Variants in ZCCHC10 observed in about 807,000 individuals in gnomAD.
The protein encoded by ZCCHC10 is zinc finger CCHC domain-containing protein 10.
A neutral mutation model predicts 19.5 loss-of-function variants in ZCCHC10; 16 were observed. The observed-to-expected ratio is 0.82, with a 90% CI of 0.56 to 1.25. ZCCHC10 has a LOEUF of 1.25. ZCCHC10 is among the 50% of genes most tolerant of loss of function. The pLI is 0.00. For synonymous variants in ZCCHC10, 67 were observed against 72.5 expected (o/e 0.92, Z 0.38); for missense variants, 197 against 201.0 (o/e 0.98, Z 0.12).
At chr5:133,018,366 T>G (rs1203610005) in intron 2 of ZCCHC10, among the ~76,000 whole-genome samples, 1 of 151,878 alleles carries the variant, frequency 6.6e-6, no homozygotes, top group Non-Finnish European at 1.5e-5. Flanking sequence ...CAATCAGGTC[T>G]CAAACTCCTG....
chr5:133,025,035 G>A (rs1764578795), intron 1 of ZCCHC10, among the ~76,000 whole-genome samples: 2 of 151,982 alleles, frequency 1.3e-5, no homozygotes, highest in African/African-American at 4.8e-5. Context: ...ATGGAAAGGA[G>A]AAGAAAAAGG....
chr5:133,025,812 A>T (rs961469896), intron 1 of ZCCHC10, among the ~76,000 whole-genome samples: 5 of 152,136 alleles, frequency 3.3e-5, no homozygotes, highest in Middle Eastern at 3.4e-3. Flanking sequence ...CCATCACAAC[A>T]GCTTACTTCC....
At chr5:133,010,238 G>A (rs1244639910) in intron 2 of ZCCHC10, among the ~76,000 whole-genome samples, 2 of 151,764 alleles carry the variant, frequency 1.3e-5, no homozygotes, top group South Asian at 2.1e-4. Context: ...TAGTAGAGAC[G>A]GGGTTTCACC....
intron 1 of ZCCHC10, 69 bp downstream of exon 1, chr5:133,026,428 C>A: frequency 1.3e-6 from 2 of 1,588,166 alleles, no homozygotes; most frequent in Admixed American, 1.8e-5. Context: ...AGGGGTCCGA[C>A]ACCAGCCCGT....
chr5:132,999,189 C>T (rs1253279804), intron 4 of ZCCHC10, among the ~76,000 whole-genome samples: 1 of 152,142 alleles, frequency 6.6e-6, no homozygotes, highest in Non-Finnish European at 1.5e-5. Flanking sequence ...TCCCAAAGTG[C>T]TAGGATTACA....
At position 132,998,390 on chromosome 5, in the gene ZCCHC10, C is replaced by A; in HGVS notation, c.*193G>T. 3.9e-6 allele frequency: 2 copies of A among 510,908 alleles called. No individual in the cohort carries two copies. The highest frequency in any genetic ancestry group is 2.9e-5 in the South Asian group (1 of 33,900). 31.6% of individuals were successfully genotyped at this position (510,908 alleles called of 1,614,324 possible). On this transcript the variant is annotated 3_prime_UTR_variant, in exon 5 of 5. Transcript: ENST00000509437. ...TAAAGATAAAAAAAACAAGATTCAC[C>A]CTTCAAATAAAAGTCTCTCTCTATA...
chr5:133,000,334 G>C, intron 3 of ZCCHC10, 161 bp from the exon 4 acceptor site: 2 of 759,096 alleles, frequency 2.6e-6, no homozygotes, highest in Non-Finnish European at 4.1e-6. Context: ...CAAGTGGAAA[G>C]TCTGCCATTG....
chr5:133,019,219 A>C (rs1764131935), intron 2 of ZCCHC10: 1 of 321,016 alleles, frequency 3.1e-6, no homozygotes, highest in African/African-American at 2.3e-5. Context: ...AAAAAAAAAC[A>C]GAGAGAGAAA....
At chr5:133,003,786 C>T (rs188187860) in intron 3 of ZCCHC10, among the ~76,000 whole-genome samples, 2 of 152,342 alleles carry the variant, frequency 1.3e-5, no homozygotes, top group Admixed American at 1.3e-4. Flanking sequence ...TTTCAGCTCC[C>T]TGCAACTTCT....
At chr5:133,017,960 A>G (rs1764032096) in intron 2 of ZCCHC10, among the ~76,000 whole-genome samples, 1 of 152,088 alleles carries the variant, frequency 6.6e-6, no homozygotes, top group Non-Finnish European at 1.5e-5. Flanking sequence ...CCTGGCCAAC[A>G]TGGCAAAACT....
At chr5:133,024,176 C>T (rs1764517204) in intron 1 of ZCCHC10, among the ~76,000 whole-genome samples, 1 of 152,160 alleles carries the variant, frequency 6.6e-6, no homozygotes, top group South Asian at 2.1e-4. Flanking sequence ...CAAGAAATAG[C>T]AGTATTATTC....
chr5:133,001,349 C>T (rs1191127446), intron 3 of ZCCHC10, among the ~76,000 whole-genome samples: 1 of 151,954 alleles, frequency 6.6e-6, no homozygotes, highest in African/African-American at 2.4e-5. Context: ...TGAGATCGCA[C>T]CATTGCACTC....
At chr5:133,014,604 G>A (rs1434301755) in intron 2 of ZCCHC10, among the ~76,000 whole-genome samples, 1 of 152,188 alleles carries the variant, frequency 6.6e-6, no homozygotes, top group African/African-American at 2.4e-5. Flanking sequence ...GTCACGTCTT[G>A]CTTTTCATGA....
intron 3 of ZCCHC10, among the ~76,000 whole-genome samples, chr5:133,004,461 A>G (rs1762976518): frequency 6.6e-6 from 1 of 152,146 alleles, no homozygotes; most frequent in African/African-American, 2.4e-5. Flanking sequence ...GGCATGAGCC[A>G]CCGCGCCCGG....
chr5:133,006,190 G>GCCCAGTCGGGAAAATCA, intron 3 of ZCCHC10, among the ~76,000 whole-genome samples: 1 of 147,102 alleles, frequency 6.8e-6, no homozygotes, highest in Non-Finnish European at 1.5e-5. Flanking sequence ...TCACCATGTT[G>GCCCAGTCGGGAAAATCA]GCCAGGCGTC....
intron 3 of ZCCHC10, among the ~76,000 whole-genome samples, chr5:133,002,296 T>C (rs994511334): frequency 2.6e-5 from 4 of 152,042 alleles, no homozygotes; most frequent in African/African-American, 9.7e-5. Flanking sequence ...TTCATGTAAT[T>C]ATATATATTT....
At chr5:133,006,547 A>C (rs749396969) in intron 3 of ZCCHC10, among the ~76,000 whole-genome samples, 22 of 152,194 alleles carry the variant, frequency 1.4e-4, no homozygotes, top group Non-Finnish European at 2.5e-4. Flanking sequence ...GAAGACAATA[A>C]TACTACCTAC....
At chr5:133,016,645 A>G (rs1047810873) in intron 2 of ZCCHC10, among the ~76,000 whole-genome samples, 4 of 151,674 alleles carry the variant, frequency 2.6e-5, no homozygotes, top group Non-Finnish European at 5.9e-5. Context: ...GTTTCACCAC[A>G]TTGGCCAGGC....
rs1026185245 is a variant in ZCCHC10, at chr5:133,026,529, A to G, written c.9T>C (p.Thr3=). The change falls in exon 1 of 5, where the codon ACT becomes ACC. Residue 3 remains threonine, a synonymous_variant. Transcript: ENST00000509437. MA[T]PMHRLIARRQ... ...TCCGGGCTATTAGCCGATGCATGGG[A>G]GTCGCCATCTTAGCGCGGTCAAAGC... is the stretch of plus-strand genomic sequence containing the variant. The G allele has an allele frequency of 2.5e-6, 4 of 1,613,630 alleles. No individual in the cohort carries two copies. The African/African-American group carries it at 4.0e-5, about 16-fold the overall frequency.
Sources: gnomAD v4.1 joint callset for allele counts (sites outside exome capture counted in the v4.1 genomes callset) on GRCh38, gnomAD v4.1.1 for gene constraint, MANE v1.5 for transcripts, NCBI Gene and HGNC (gene_info 2026-07-23, HGNC 2026-07-21) for gene names.